Variants in MKRN1 observed in about 807,000 individuals in gnomAD.
The protein encoded by MKRN1 is E3 ubiquitin-protein ligase makorin-1.
MKRN1 carries 9 observed loss-of-function variants against 55.5 expected under a neutral mutation model. That is an observed-to-expected ratio of 0.16 (90% CI 0.10 to 0.28). MKRN1 has a LOEUF of 0.28. MKRN1 is among the 10% of genes least tolerant of loss of function. MKRN1 has a pLI of 1.00. For synonymous variants in MKRN1, 253 were observed against 235.9 expected (o/e 1.07, Z -0.66); for missense variants, 488 against 626.7 (o/e 0.78, Z 2.36).
chr7:140,454,634 C>G lies in MKRN1; in HGVS notation c.1332G>C (p.Leu444=), dbSNP rs1426615557. Residue 444 remains leucine (L), a synonymous_variant, in exon 8 of 8, where the codon CTG becomes CTC. Coordinates refer to ENST00000255977, the MANE Select transcript of MKRN1 (RefSeq NM_013446.4). ...NDEEEVVTFE[L]GEMLLMLLAA... ...CCAAAAGCATAAGCAACATCTCGCC[C>G]AGCTCAAAGGTGACAACCTCTTCTT... is the stretch of plus-strand genomic sequence containing the variant. 6 of 1,613,964 alleles carry G rather than the reference C, an allele frequency of 3.7e-6. No individual in the cohort carries two copies. The highest frequency in any genetic ancestry group is 5.1e-6 in the Non-Finnish European group (6 of 1,179,856).
chr7:140,456,821 C>T lies in MKRN1; in HGVS notation c.817G>A (p.Val273Met), dbSNP rs777615203. The T allele has an allele frequency of 1.5e-5, 24 of 1,613,938 alleles. No homozygotes were observed. Among genetic ancestry groups the T allele is most frequent in the Admixed American group, 3.3e-5 (2 of 59,986 alleles). The change falls in exon 5 of 8, where the codon GTG (valine) becomes ATG (methionine). Residue 273 changes from valine (V) to methionine (M), a missense_variant. Physicochemically the swap from Val to Met is conservative, Grantham distance 21. Transcript: ENST00000255977. ...HEKDMELSFA[V>M]QRSKDMVCGI... ...CACACCATGTCCTTGCTGCGCTGCACGGCAAATGAGAGCTCCATGTCCTTC... is the reference window on the plus strand; with the variant it reads ...CACACCATGTCCTTGCTGCGCTGCATGGCAAATGAGAGCTCCATGTCCTTC...
intron 2 of MKRN1, 71 bp downstream of exon 2, chr7:140,471,812 G>A: frequency 3.8e-6 from 6 of 1,559,758 alleles, no homozygotes; most frequent in Non-Finnish European, 5.2e-6. Context: ...GACATATAAA[G>A]CTATCAGAAG....
chr7:140,478,886 A>T (rs1436362079), intron 1 of MKRN1: 7 of 289,528 alleles, frequency 2.4e-5, no homozygotes. Context: ...AGGGAAGTGT[A>T]AGCGGCGGTG....
chr7:140,475,200 G>A (rs531395744), intron 1 of MKRN1: 10 of 433,040 alleles, frequency 2.3e-5, no homozygotes, highest in African/African-American at 4.1e-5. Flanking sequence ...ATAATTAGCC[G>A]AGTGTGATGG....
chr7:140,466,220 C>T (rs902994117), intron 2 of MKRN1, among the ~76,000 whole-genome samples: 3 of 152,202 alleles, frequency 2.0e-5, no homozygotes, highest in South Asian at 2.1e-4. Flanking sequence ...CTATATCAGC[C>T]TGTACTCAAC....
At chr7:140,457,842 A>G (rs376218282) in intron 4 of MKRN1, among the ~76,000 whole-genome samples, 3 of 152,244 alleles carry the variant, frequency 2.0e-5, no homozygotes, top group African/African-American at 7.2e-5. Flanking sequence ...TACTACCTCA[A>G]TATATAGATA....
In MKRN1 at chr7:140,456,864, C is replaced by T. The variant is rs1445212516; in HGVS notation, c.774G>A (p.Ser258=). 5 of 1,613,258 alleles carry T rather than the reference C, an allele frequency of 3.1e-6. No individual in the cohort carries two copies. Among genetic ancestry groups the T allele is most frequent in the East Asian group, 2.2e-5 (1 of 44,868 alleles). Residue 258 remains serine (S), a splice_region_variant and synonymous_variant, in exon 5 of 8, where the codon TCG becomes TCA. Transcript: ENST00000255977. ...DAAQRSQHIK[S]CIEAHEKDME... The stretch of plus-strand genomic sequence containing the variant: ...TGTCCTTCTCATGGGCCTCAATGCA[C>T]GACTAGAGAAGGTGGAGAGAGAACA...
intron 2 of MKRN1, among the ~76,000 whole-genome samples, chr7:140,462,697 G>A (rs1794657151): frequency 6.6e-6 from 1 of 152,144 alleles, no homozygotes; most frequent in Non-Finnish European, 1.5e-5. Flanking sequence ...GGGCGCAGTG[G>A]CTCACGCCTG....
chr7:140,479,184 C>T lies in MKRN1; in HGVS notation c.161G>A (p.Gly54Asp). ...GGGGSDGSGG[G>D]WTKQVTCRYF... ...CCTGCAGGTGACCTGTTTAGTCCAG[C>T]CGCCGCCGCTGCCGTCGCTGCCGCC... The change falls in exon 1 of 8, where the codon GGC becomes GAC. Residue 54 changes from glycine (G) to aspartate (D), a missense_variant. Physicochemically the swap from Gly to Asp is moderately conservative, Grantham distance 94 (BLOSUM62 -1). Coordinates refer to ENST00000255977, the MANE Select transcript of MKRN1 (RefSeq NM_013446.4). The T allele has an allele frequency of 6.9e-7, 1 of 1,458,752 alleles. No individual in the cohort carries two copies. The highest frequency in any genetic ancestry group is 9.0e-7 in the Non-Finnish European group (1 of 1,107,372). 90.4% of individuals were successfully genotyped at this position (1,458,752 alleles called of 1,614,324 possible).
intron 1 of MKRN1, among the ~76,000 whole-genome samples, chr7:140,472,723 A>G (rs751011787): frequency 4.2e-4 from 63 of 151,252 alleles, no homozygotes; most frequent in Non-Finnish European, 1.2e-4. Flanking sequence ...CTATTTTGAC[A>G]TTCCAGCCTG....
Position 140,457,262 on chromosome 7 carries a change from C to T in MKRN1, c.772-396G>A, listed in dbSNP as rs116245645. Among the ~76,000 whole-genome samples, 818 of 152,212 alleles carry T rather than the reference C, an allele frequency of 5.4e-3. 7 individuals carry two copies. Among genetic ancestry groups the T allele is most frequent in the African/African-American group, 0.019 (781 of 41,538 alleles). On this transcript the variant is annotated intron_variant, in intron 4 of 7. Coordinates refer to ENST00000255977, the MANE Select transcript of MKRN1 (RefSeq NM_013446.4). The stretch of plus-strand genomic sequence containing the variant: ...AAAATAAGGGTGACAGGCACGTAAA[C>T]TCTCTTATGCCTTTAAAGAAAAACA...
intron 1 of MKRN1, chr7:140,473,370 A>G (rs79453306): frequency 0.21 from 82,427 of 394,132 alleles, 10,271 homozygotes; most frequent in Non-Finnish European, 0.28. Context: ...GAATCCCCCT[A>G]CTGCTGTGCC....
chr7:140,478,383 C>T (rs975288394), intron 1 of MKRN1: 30 of 152,282 alleles, frequency 2.0e-4, no homozygotes, highest in African/African-American at 7.2e-4. Flanking sequence ...CCAAACCTCT[C>T]TCTCTTCCGG....
At chr7:140,465,580 A>G (rs1225383020) in intron 2 of MKRN1, among the ~76,000 whole-genome samples, 2 of 148,680 alleles carry the variant, frequency 1.3e-5, no homozygotes, top group East Asian at 2.0e-4. Context: ...ACTAGACTAG[A>G]TATCTGCAAT....
intron 2 of MKRN1, among the ~76,000 whole-genome samples, chr7:140,466,859 G>A (rs1181175809): frequency 3.3e-5 from 5 of 151,550 alleles, no homozygotes; most frequent in African/African-American, 1.2e-4. Context: ...GCTGGAGGTG[G>A]TGGTTGCAGT....
intron 2 of MKRN1, among the ~76,000 whole-genome samples, chr7:140,461,808 ACC>A (rs1156400480): frequency 6.6e-6 from 1 of 151,384 alleles, no homozygotes; most frequent in Non-Finnish European, 1.5e-5. Flanking sequence ...CCATGGAGAA[ACC>A]CCGTCTCTAC....
At chr7:140,463,615 G>A (rs1794681992) in intron 2 of MKRN1, among the ~76,000 whole-genome samples, 2 of 152,078 alleles carry the variant, frequency 1.3e-5, no homozygotes, top group South Asian at 4.1e-4. Context: ...GCTGGACGCG[G>A]TGGCTCACGC....
At chr7:140,458,356 C>T (rs1186577109) in intron 4 of MKRN1, among the ~76,000 whole-genome samples, 1 of 152,180 alleles carries the variant, frequency 6.6e-6, no homozygotes, top group African/African-American at 2.4e-5. Context: ...CGCAACCACA[C>T]AAAGAACCTT....
At chr7:140,470,214 C>T (rs1794885634) in intron 2 of MKRN1, among the ~76,000 whole-genome samples, 2 of 144,196 alleles carry the variant, frequency 1.4e-5, no homozygotes, top group Non-Finnish European at 3.0e-5. Flanking sequence ...AGCAAAACTC[C>T]GTCTTGAAAA....
Sources: gnomAD v4.1 joint callset for allele counts (sites outside exome capture counted in the v4.1 genomes callset) on GRCh38, gnomAD v4.1.1 for gene constraint, MANE v1.5 for transcripts, NCBI Gene and HGNC (gene_info 2026-07-23, HGNC 2026-07-21) for gene names.